The following RFPL3 variants were observed in gnomAD, a reference collection of about 807,000 sequenced individuals.
RFPL3 encodes ret finger protein like 3, also known as ret finger protein-like 3.
In RFPL3, 8 loss-of-function variants were observed where a neutral mutation model predicts 8.7. The ratio of observed to expected loss-of-function variants is 0.92; its 90% CI spans 0.54 to 1.66. The LOEUF is 1.66. Among genes scored for constraint, RFPL3 ranks in the 40% most tolerant of loss-of-function variants. The pLI, the probability that RFPL3 is intolerant of heterozygous loss-of-function variation, is 0.00. For synonymous variants in RFPL3, 145 were observed against 150.5 expected, an observed-to-expected ratio of 0.96 and a Z score of 0.27; for missense variants, 341 against 395.0, an observed-to-expected ratio of 0.86 and a Z score of 1.16.
upstream of RFPL3, chr22:32,356,832 G>C (rs765893184): frequency 7.0e-6 from 3 of 429,258 alleles, no homozygotes; most frequent in Non-Finnish European, 1.4e-5. Context: ...GGTGACTTCC[G>C]TACCCTGGGT....
At position 32,360,267 on chromosome 22, in the gene RFPL3, A is replaced by G. The variant is rs1322494708; in HGVS notation, c.389A>G (p.Asp130Gly). 2 of 1,613,282 alleles carry G rather than the reference A, an allele frequency of 1.2e-6. No individual in the cohort carries two copies. Among genetic ancestry groups the G allele is most frequent in the Admixed American group, 1.7e-5 (1 of 59,992 alleles). ...CTTTTCACAGTGGATATGACCTTGG[A>G]TGCCGACACAGCCAACAACTTCCTC... is the stretch of plus-strand genomic sequence containing the variant. ...MRKFQVDMTL[D>G]ADTANNFLLI... Residue 130 changes from aspartate to glycine, a missense_variant, in exon 2 of 2, where the codon GAT becomes GGT. Transcript: ENST00000249007.
chr22:32,360,959 C>A lies in RFPL3; in HGVS notation c.*127C>A. On this transcript the variant is annotated 3_prime_UTR_variant, in exon 2 of 2. Transcript: ENST00000249007. ...ATGGGACATTTCTATAATCTATATT[C>A]TAATTTGATTCGATTATTGAGTCGT... The A allele has an allele frequency of 1.1e-6, 1 of 936,726 alleles. No individual in the cohort carries two copies. Among genetic ancestry groups the A allele is most frequent in the Non-Finnish European group, 1.5e-6 (1 of 669,546 alleles). The allele number at this position is 936,726 out of a possible 1,614,324, so 58.0% of individuals were successfully genotyped here.
chr22:32,358,274 A>C lies in RFPL3; in HGVS notation c.203A>C (p.Gln68Pro). 1 of 1,613,900 alleles carries C rather than the reference A, an allele frequency of 6.2e-7. No individual in the cohort carries two copies. Among genetic ancestry groups the C allele is most frequent in the Non-Finnish European group, 8.5e-7 (1 of 1,179,818 alleles). Residue 68 changes from glutamine (Q) to proline (P), a missense_variant, in exon 1 of 2, where the codon CAG becomes CCG. Gln to Pro is a moderately conservative substitution (Grantham distance 76, BLOSUM62 -1). Transcript: ENST00000249007. ...TVCLKCINSLQKEPHGEDLLC... is the reference protein window; with the variant it reads ...TVCLKCINSLPKEPHGEDLLC... ...TGCCTCAAGTGCATCAATTCGCTGC[A>C]GAAGGAGCCCCATGGGGAGGATCTG...
rs1424087160 is a variant in RFPL3, at chr22:32,358,347, C to T, written c.276C>T (p.Pro92=). 7.4e-6 allele frequency: 12 copies of T among 1,613,978 alleles called. No homozygotes were observed. Among genetic ancestry groups the T allele is most frequent in the Non-Finnish European group, 1.0e-5 (12 of 1,180,042 alleles). ...TCTCTCAGAGGAACAAAATCAGGCCCAATCGGCAGCTAGAGAGGCTGGTTT... is the reference window on the plus strand; with the variant it reads ...TCTCTCAGAGGAACAAAATCAGGCCTAATCGGCAGCTAGAGAGGCTGGTTT... The part of the protein sequence containing the change: ...SMVSQRNKIR[P]NRQLERLVSH... The change falls in exon 1 of 2, where the codon CCC becomes CCT. Residue 92 remains proline, a synonymous_variant. Transcript: ENST00000249007.
At chr22:32,357,134 A>G (rs1451209313), upstream of RFPL3, 3 of 208,440 alleles carry the variant, frequency 1.4e-5, no homozygotes, top group East Asian at 5.1e-4. Context: ...AGGGTGTGAC[A>G]TGAGGTTCCT....
intron 1 of RFPL3, among the ~76,000 whole-genome samples, chr22:32,359,001 G>C (rs1202193001): frequency 6.6e-6 from 1 of 152,180 alleles, no homozygotes; most frequent in African/African-American, 2.4e-5. Flanking sequence ...CATGCGCCAT[G>C]GGCTCCAACA....
chr22:32,355,781 C>CAAAAAAAAA (rs5844988), upstream of RFPL3, among the ~76,000 whole-genome samples: 3 of 99,944 alleles, frequency 3.0e-5, no homozygotes, highest in Non-Finnish European at 6.5e-5. Context: ...GACTTTGTCT[C>CAAAAAAAAA]AAAAAAAAAA....
rs770073454 is a variant in RFPL3 at position 32,358,195 on chromosome 22, G to A, written c.124G>A (p.Val42Ile). The part of the protein sequence containing the change: ...ALFQEASSCP[V>I]CSDYLEKPMS... The stretch of plus-strand genomic sequence containing the variant: ...CTTCCAAGAAGCAAGCAGCTGTCCC[G>A]TCTGCTCAGACTATCTGGAAAAACC... The change falls in exon 1 of 2, where the codon GTC becomes ATC. Residue 42 changes from valine (V) to isoleucine (I), a missense_variant. Val to Ile is a conservative substitution (Grantham distance 29). Coordinates refer to ENST00000249007, the MANE Select transcript of RFPL3 (RefSeq NM_001098535.1). 27 of 1,613,838 alleles carry A rather than the reference G, an allele frequency of 1.7e-5. No individual in the cohort carries two copies. Among genetic ancestry groups the A allele is most frequent in the Middle Eastern group, 1.6e-4 (1 of 6,078 alleles).
At chr22:32,354,938 G>A (rs1268802305), upstream of RFPL3, 1 of 152,522 alleles carries the variant, frequency 6.6e-6, no homozygotes, top group East Asian at 1.9e-4. Flanking sequence ...TGCTAATGAA[G>A]TTGCTCCTCC....
At chr22:32,355,669 A>T (rs1031594113), upstream of RFPL3, among the ~76,000 whole-genome samples, 1 of 151,866 alleles carries the variant, frequency 6.6e-6, no homozygotes, top group African/African-American at 2.4e-5. Flanking sequence ...TTTAGTCGTG[A>T]AAAGATGCCT....
Position 32,360,890 on chromosome 22 carries a change from A to C in RFPL3, c.*58A>C. ...ATTACTTGGGTGGGTAGACTTAGGA[A>C]TTTTCTACTTGGTAAAAGCATTATA... On this transcript the variant is annotated 3_prime_UTR_variant, in exon 2 of 2. Transcript: ENST00000249007. 1.4e-6 allele frequency: 2 copies of C among 1,476,656 alleles called. No homozygotes were observed. The highest frequency in any genetic ancestry group is 2.9e-5 in the South Asian group (2 of 69,206). The allele number at this position is 1,476,656 out of a possible 1,614,324, so 91.5% of individuals were successfully genotyped here.
Position 32,360,243 on chromosome 22 carries a change from T to C in RFPL3, c.374-9T>C, listed in dbSNP as rs752932215. On this transcript the variant is annotated splice_polypyrimidine_tract_variant and intron_variant, in intron 1 of 1. Coordinates refer to ENST00000249007, the MANE Select transcript of RFPL3 (RefSeq NM_001098535.1). ...CCACTTGCTGAGCAACTTGTTTTCC[T>C]TTTCACAGTGGATATGACCTTGGAT... 78 of 1,604,504 alleles carry C rather than the reference T, an allele frequency of 4.9e-5. No homozygotes were observed. Among genetic ancestry groups the C allele is most frequent in the Non-Finnish European group, 6.6e-5 (77 of 1,173,190 alleles).
At position 32,357,961 on chromosome 22, in the gene RFPL3, C is replaced by G; in HGVS notation, c.-111C>G. On this transcript the variant is annotated 5_prime_UTR_variant, in exon 1 of 2. Coordinates refer to ENST00000249007, the MANE Select transcript of RFPL3 (RefSeq NM_001098535.1). Reference sequence around the variant, plus strand: ...GAGCACAGTGATGATTCGTGACTTTCCCAATAGAACTTCAAATCTCTGAGG... The same window carrying G: ...GAGCACAGTGATGATTCGTGACTTTGCCAATAGAACTTCAAATCTCTGAGG... 1.3e-6 allele frequency: 2 copies of G among 1,543,824 alleles called. No individual in the cohort carries two copies. Among genetic ancestry groups the G allele is most frequent in the Non-Finnish European group, 1.7e-6 (2 of 1,146,184 alleles).
chr22:32,357,451 T>C (rs1266168962), upstream of RFPL3, among the ~76,000 whole-genome samples: 1 of 151,452 alleles, frequency 6.6e-6, no homozygotes, highest in Non-Finnish European at 1.5e-5. Context: ...ATTACAGATG[T>C]GAGCTACTGC....
intron 1 of RFPL3, among the ~76,000 whole-genome samples, chr22:32,358,876 T>C (rs1001199618): frequency 2.0e-5 from 3 of 152,178 alleles, no homozygotes; most frequent in Non-Finnish European, 2.9e-5. Context: ...ACAGTGAATA[T>C]TGGCACCCAT....
intron 1 of RFPL3, among the ~76,000 whole-genome samples, chr22:32,359,573 G>C (rs1298752405): frequency 2.0e-5 from 3 of 152,102 alleles, no homozygotes; most frequent in African/African-American, 7.2e-5. Flanking sequence ...TCTACAATCA[G>C]TCAGTTATGA....
chr22:32,355,008 C>T (rs1180383559), upstream of RFPL3: 3 of 151,332 alleles, frequency 2.0e-5, no homozygotes, highest in Non-Finnish European at 4.4e-5. Context: ...TTTTCTTTTT[C>T]CTCTAAGCCA....
chr22:32,355,797 A>AG (rs57056408), upstream of RFPL3, among the ~76,000 whole-genome samples: 9,567 of 147,724 alleles, frequency 0.065, 449 homozygotes, highest in African/African-American at 0.13. Flanking sequence ...AAAAAAAAAA[A>AG]AAAGAAAGAA....
chr22:32,355,256 A>C (rs1932626462), upstream of RFPL3, among the ~76,000 whole-genome samples: 1 of 152,146 alleles, frequency 6.6e-6, no homozygotes, highest in Non-Finnish European at 1.5e-5. Flanking sequence ...ATCAGAGTAG[A>C]TCTAGAGGTT....
Sources: gnomAD v4.1 joint callset for allele counts (sites outside exome capture counted in the v4.1 genomes callset) on GRCh38, gnomAD v4.1.1 for gene constraint, MANE v1.5 for transcripts, NCBI Gene and HGNC (gene_info 2026-07-23, HGNC 2026-07-21) for gene names.